GPN1: variants seen among roughly 807,000 people sequenced by gnomAD.
GPN1 encodes ATP(GTP)-binding protein.
Under a neutral mutation model 55.9 loss-of-function variants are expected in GPN1, and 44 were observed. The observed-to-expected ratio is 0.79, with a 90% CI of 0.62 to 1.01. The LOEUF (loss-of-function observed/expected upper bound fraction) is 1.01. GPN1 is among the 50% of genes least tolerant of loss of function. The pLI is 0.00. For missense variants in GPN1, 466 were observed against 462.8 expected (o/e 1.01, Z -0.06); for synonymous variants, 179 against 162.5 (o/e 1.10, Z -0.77).
chr2:27,647,373 CCT>C (rs1264347280), intron 12 of GPN1, among the ~76,000 whole-genome samples: 7 of 152,164 alleles, frequency 4.6e-5, no homozygotes, highest in African/African-American at 1.7e-4. Context: ...TAAATAATAC[CCT>C]GGCTCCTTGA....
chr2:27,628,462 G>A, upstream of GPN1: 1 of 1,551,518 alleles, frequency 6.4e-7, no homozygotes, highest in Non-Finnish European at 8.7e-7. Context: ...GACTGCCAAG[G>A]AATGAGCGCT....
At chr2:27,647,762 A>G in intron 12 of GPN1, 74 bp from the exon 13 acceptor site, 1 of 841,334 alleles carries the variant, frequency 1.2e-6, no homozygotes, top group East Asian at 2.5e-5. Context: ...CTGCCAGTTT[A>G]TGATCATAGT....
At chr2:27,638,087 T>G (rs1171033061) in intron 7 of GPN1, 123 bp from the exon 8 acceptor site, 4 of 622,846 alleles carry the variant, frequency 6.4e-6, no homozygotes, top group Non-Finnish European at 1.2e-5. Flanking sequence ...TATGTAAAAA[T>G]GGATGACTAC....
chr2:27,632,830 T>G (rs1460797954), intron 5 of GPN1, among the ~76,000 whole-genome samples, 160 bp downstream of exon 5: 1 of 152,204 alleles, frequency 6.6e-6, no homozygotes, highest in Non-Finnish European at 1.5e-5. Context: ...TGCTTTAGAA[T>G]ATAGAGCTAA....
At chr2:27,647,410 C>T (rs1323091196) in intron 12 of GPN1, among the ~76,000 whole-genome samples, 1 of 152,164 alleles carries the variant, frequency 6.6e-6, no homozygotes, top group Non-Finnish European at 1.5e-5. Context: ...GTATTTTCTG[C>T]AGACCTTCTC....
intron 12 of GPN1, among the ~76,000 whole-genome samples, chr2:27,645,104 T>C (rs1674162511): frequency 6.6e-6 from 1 of 152,018 alleles, no homozygotes; most frequent in South Asian, 2.1e-4. Context: ...AGTAGCTAGA[T>C]CTACAGGTGT....
Position 27,641,222 on chromosome 2 carries a change from A to G in GPN1, c.801-18A>G, listed in dbSNP as rs146979490. The G allele has an allele frequency of 5.7e-3, 9,065 of 1,580,152 alleles. 30 individuals are homozygous for G. Among genetic ancestry groups the G allele is most frequent in the Non-Finnish European group, 5.9e-3 (6,760 of 1,149,820 alleles). On this transcript the variant is annotated intron_variant, in intron 10 of 13. Coordinates refer to ENST00000610189, the MANE Select transcript of GPN1 (RefSeq NM_007266.4). ...AGAGGATTAAGCAAAGGAATTTAGA[A>G]AGTGTTTCTCTTTACAGGGAGTATC...
At position 27,639,164 on chromosome 2, in the gene GPN1, A is replaced by G. The variant is rs1160060714; in HGVS notation, c.717+133A>G. The G allele has an allele frequency of 1.1e-5, 8 of 697,026 alleles. No individual in the cohort carries two copies. In the Admixed American group the frequency reaches 1.7e-4, roughly 14 times the overall value. The allele number at this position is 697,026 out of a possible 1,614,324, so 43.2% of individuals were successfully genotyped here. Reference sequence around the variant, plus strand: ...GTAACTTTTAAAGCATTGCTTATTAAAAATTGTGGAGTGTACAAGAAGAAT... The same window carrying G: ...GTAACTTTTAAAGCATTGCTTATTAGAAATTGTGGAGTGTACAAGAAGAAT... On this transcript the variant is annotated intron_variant, in intron 9 of 13. Coordinates refer to ENST00000610189, the MANE Select transcript of GPN1 (RefSeq NM_007266.4).
chr2:27,640,650 T>TA (rs1303660974), intron 10 of GPN1, among the ~76,000 whole-genome samples: 1 of 152,218 alleles, frequency 6.6e-6, no homozygotes, highest in Non-Finnish European at 1.5e-5. Flanking sequence ...TCATTGTTAA[T>TA]ACTGGAATTC....
chr2:27,631,612 T>G, intron 3 of GPN1: 2 of 580,042 alleles, frequency 3.4e-6, no homozygotes. Context: ...TCACTTTGCT[T>G]TCTTCATTTT....
In GPN1 at chr2:27,642,500, G is replaced by A; in HGVS notation, c.912G>A (p.Leu304=). 6.2e-7 allele frequency: 1 copy of A among 1,609,890 alleles called. No homozygotes were observed. The highest frequency in any genetic ancestry group is 8.5e-7 in the Non-Finnish European group (1 of 1,176,246). The change falls in exon 12 of 14, where the codon TTG becomes TTA. Residue 304 remains leucine, a synonymous_variant. Transcript: ENST00000610189. ...RLRKDMGSVA[L]DAGTAKDSLS... ...GAAAAGATATGGGTTCTGTAGCCTT[G>A]GATGCAGGGACTGCCAAAGGTATTG...
At chr2:27,648,542 T>G (rs1048295502) in intron 13 of GPN1, among the ~76,000 whole-genome samples, 3 of 152,090 alleles carry the variant, frequency 2.0e-5, no homozygotes, top group Admixed American at 6.5e-5. Context: ...AAATAATACA[T>G]AAGGTTATAT....
At chr2:27,645,353 TTA>T (rs1192967933) in intron 12 of GPN1, among the ~76,000 whole-genome samples, 1 of 152,210 alleles carries the variant, frequency 6.6e-6, no homozygotes, top group Non-Finnish European at 1.5e-5. Flanking sequence ...AATTATGTAA[TTA>T]TGTTTCAATA....
At chr2:27,630,892 G>T (rs1673521289) in intron 2 of GPN1, 135 bp from the exon 3 acceptor site, 3 of 684,648 alleles carry the variant, frequency 4.4e-6, no homozygotes, top group Non-Finnish European at 8.0e-6. Flanking sequence ...TCTTTGTAAG[G>T]AAGGAAACCA....
chr2:27,628,909 C>T (rs184534825), upstream of GPN1: 585 of 1,482,208 alleles, frequency 3.9e-4, 1 homozygote, highest in Admixed American at 5.7e-4. Context: ...CAGCCCTGCC[C>T]GACGCTAAGA....
chr2:27,640,501 C>T (rs552559112), intron 10 of GPN1, among the ~76,000 whole-genome samples: 14 of 152,244 alleles, frequency 9.2e-5, no homozygotes, highest in African/African-American at 3.1e-4. Flanking sequence ...GCTAGTGTTA[C>T]AGAAAAACAT....
rs368581333 is a variant in GPN1, at chr2:27,631,139, G to A, written c.245+73G>A. The A allele has an allele frequency of 3.9e-5, 31 of 804,228 alleles. No individual in the cohort carries two copies. In the African/African-American group the frequency reaches 4.9e-4, roughly 13 times the overall value. 49.8% of individuals were successfully genotyped at this position (804,228 alleles called of 1,614,324 possible). A position where few individuals can be genotyped will look rare whatever the true frequency, so the allele number is the denominator to read the frequency against. On this transcript the variant is annotated intron_variant, in intron 3 of 13. Transcript: ENST00000610189. ...TCTGTGTATTTTGTGGCTTGAAAGA[G>A]TGTTTTTGCCTTTTCCTTGTGAAAT... is the stretch of plus-strand genomic sequence containing the variant.
At position 27,643,064 on chromosome 2, in the gene GPN1, C is replaced by T. The variant is rs1674040478; in HGVS notation, c.931+545C>T. ...GGCAAATTTGAAATTATATACAGCT[C>T]TACCACTTTGGGTTCCTCTTTCAGG... is the stretch of plus-strand genomic sequence containing the variant. On this transcript the variant is annotated intron_variant, in intron 12 of 13. Transcript: ENST00000610189. The surrounding 1 kb of genome is among the most constrained non-coding windows in gnomAD (Gnocchi z 4.0). Among the ~76,000 whole-genome samples, 1 of 151,120 alleles carries T rather than the reference C, an allele frequency of 6.6e-6. No individual in the cohort carries two copies. The highest frequency in any genetic ancestry group is 2.1e-4 in the South Asian group (1 of 4,800).
At chr2:27,628,253 T>G (rs12615690), upstream of GPN1, 2 of 816,146 alleles carry the variant, frequency 2.5e-6, no homozygotes, top group Non-Finnish European at 3.7e-6. Flanking sequence ...GAACACTGTT[T>G]GCAGCTACAA....
Sources: allele counts gnomAD v4.1 joint callset (sites outside exome capture counted in the v4.1 genomes callset), GRCh38; gene constraint gnomAD v4.1.1; non-coding constraint Gnocchi (gnomAD v3.1); transcripts MANE v1.5; gene names NCBI Gene and HGNC (gene_info 2026-07-23, HGNC 2026-07-21).